ANKS1A: variants seen among roughly 807,000 people sequenced by gnomAD.
ANKS1A encodes ankyrin repeat and sterile alpha motif domain containing 1A.
Under a neutral mutation model 120.3 loss-of-function variants are expected in ANKS1A, and 55 were observed. The ratio of observed to expected loss-of-function variants is 0.46; its 90% confidence interval spans 0.37 to 0.57. ANKS1A has a LOEUF of 0.57. Ranked by LOEUF, ANKS1A falls within the 20% of genes least tolerant of loss-of-function variation. ANKS1A has a pLI of 0.00. For missense variants in ANKS1A, 1,123 were observed against 1,480.3 expected (o/e 0.76, Z 3.96); for synonymous variants, 590 against 604.7 (o/e 0.98, Z 0.36).
Position 34,906,651 on chromosome 6 carries a change from T to C in ANKS1A, c.197+17052T>C, listed in dbSNP as rs144486433. ...GAAAATCACCATTAGCATACCATAG[T>C]AATAATTGCTGCAGGCAAGATCTAC... On this transcript the variant is annotated intron_variant, in intron 1 of 23. Transcript: ENST00000360359. Among the ~76,000 whole-genome samples the C allele has an allele frequency of 1.2e-4, 18 of 152,322 alleles. 1 individual carries two copies. The East Asian group carries it at 2.9e-3, about 24-fold the overall frequency.
intron 7 of ANKS1A, 146 bp from the exon 8 acceptor site, chr6:34,984,936 G>T: frequency 4.4e-6 from 3 of 677,662 alleles, no homozygotes; most frequent in Non-Finnish European, 7.4e-6. Flanking sequence ...ACGTATTCTT[G>T]TCCATGGAAC....
chr6:34,967,901 G>A (rs1425942776), intron 2 of ANKS1A, among the ~76,000 whole-genome samples: 1 of 151,784 alleles, frequency 6.6e-6, no homozygotes, highest in Non-Finnish European at 1.5e-5. Context: ...CCTCTGGAAT[G>A]TTCCAGTGCT....
intron 1 of ANKS1A, among the ~76,000 whole-genome samples, chr6:34,927,583 C>T (rs892424077): frequency 9.9e-5 from 15 of 152,074 alleles, no homozygotes; most frequent in Admixed American, 2.6e-4. Context: ...AGCTGTGGCA[C>T]GGGTCGGAAA....
intron 17 of ANKS1A, among the ~76,000 whole-genome samples, chr6:35,081,537 C>G (rs926852554): frequency 1.3e-5 from 2 of 152,160 alleles, no homozygotes; most frequent in Admixed American, 6.5e-5. Context: ...CCTTCTTGGC[C>G]CCTTCCTTCT....
Position 35,014,216 on chromosome 6 carries a change from T to G in ANKS1A, c.1424-3257T>G, listed in dbSNP as rs113111595. Among the ~76,000 whole-genome samples the G allele has an allele frequency of 3.1e-3, 471 of 152,314 alleles. 1 individual carries two copies. The highest frequency in any genetic ancestry group is 0.01 in the African/African-American group (429 of 41,574). ...CTCATCTTGGCCTTGGATGTAGTTTTTAATGGGAACAAGAACACCAGCCTT... is the reference window on the plus strand; with the variant it reads ...CTCATCTTGGCCTTGGATGTAGTTTGTAATGGGAACAAGAACACCAGCCTT... On this transcript the variant is annotated intron_variant, in intron 10 of 23. Transcript: ENST00000360359.
In ANKS1A at chr6:34,991,541, T is replaced by TACACAC. The variant is rs149416311; in HGVS notation, c.1302+2259_1302+2264dup. 3.8e-3 allele frequency among the ~76,000 whole-genome samples: 525 copies of TACACAC among 138,466 alleles called. 11 individuals carry two copies. The highest frequency in any genetic ancestry group is 0.014 in the African/African-American group (482 of 35,550). 90.8% of individuals were successfully genotyped at this position (138,466 alleles called of 152,430 possible). A position where few individuals can be genotyped will look rare whatever the true frequency, so the allele number is the denominator to read the frequency against. The stretch of plus-strand genomic sequence containing the variant: ...ACATAGCCGGGAAAAAAAAAATATA[T>TACACAC]ACACACACACACACACACACACACA... On this transcript the variant is annotated intron_variant, in intron 9 of 23. Transcript: ENST00000360359.
intron 11 of ANKS1A, among the ~76,000 whole-genome samples, chr6:35,024,582 C>T (rs933687571): frequency 2.0e-5 from 3 of 152,154 alleles, no homozygotes; most frequent in Non-Finnish European, 4.4e-5. Context: ...TAATTTCTGG[C>T]ACAGGATTTT....
At chr6:35,046,395 GA>G (rs1029172259) in intron 11 of ANKS1A, among the ~76,000 whole-genome samples, 1 of 152,116 alleles carries the variant, frequency 6.6e-6, no homozygotes. Flanking sequence ...TTAGCATGTT[GA>G]ACAGAGTTCA....
In ANKS1A at chr6:35,015,635, A is replaced by T. The variant is rs541522878; in HGVS notation, c.1424-1838A>T. Among the ~76,000 whole-genome samples, 22 of 152,334 alleles carry T rather than the reference A, an allele frequency of 1.4e-4. 1 individual carries two copies. The highest frequency in any genetic ancestry group is 5.3e-4 in the African/African-American group (22 of 41,580). ...ACTTCTCTAGACTCGTGAAAAGCTG[A>T]ACAGACTGTGGAGACTGAACTGCTC... On this transcript the variant is annotated intron_variant, in intron 10 of 23. Coordinates refer to ENST00000360359, the MANE Select transcript of ANKS1A (RefSeq NM_015245.3).
intron 11 of ANKS1A, among the ~76,000 whole-genome samples, chr6:35,030,866 T>G: frequency 6.6e-6 from 1 of 152,238 alleles, no homozygotes; most frequent in African/African-American, 2.4e-5. Context: ...AGATGGCTTA[T>G]TTTCAAACTG....
chr6:35,087,668 A>G (rs1399622167), intron 23 of ANKS1A, among the ~76,000 whole-genome samples: 1 of 152,168 alleles, frequency 6.6e-6, no homozygotes, highest in African/African-American at 2.4e-5. Context: ...GGCCCTTGTG[A>G]GACCTTGAGC....
chr6:34,904,312 AT>A (rs1361364567), intron 1 of ANKS1A, among the ~76,000 whole-genome samples: 4 of 151,704 alleles, frequency 2.6e-5, no homozygotes, highest in East Asian at 3.9e-4. Context: ...GCAGCCATCC[AT>A]TTTTTTTCTG....
chr6:34,960,768 G>A (rs1289768642), intron 1 of ANKS1A, among the ~76,000 whole-genome samples: 2 of 152,048 alleles, frequency 1.3e-5, no homozygotes, highest in South Asian at 2.1e-4. Context: ...TAGCTTTTTT[G>A]ACATGCTAGG....
At chr6:34,991,960 C>CTT (rs959425188) in intron 9 of ANKS1A, among the ~76,000 whole-genome samples, 1 of 151,456 alleles carries the variant, frequency 6.6e-6, no homozygotes, top group African/African-American at 2.4e-5. Flanking sequence ...GGAGTGGGAG[C>CTT]TAGGAAGGCT....
In ANKS1A at chr6:34,985,128, A is replaced by T. The variant is rs150567536; in HGVS notation, c.1059A>T (p.Ala353=). 121 of 1,614,160 alleles carry T rather than the reference A, an allele frequency of 7.5e-5. 1 individual carries two copies. The African/African-American group carries it at 1.4e-3, about 19-fold the overall frequency. ...AVTELIIDFD[A]NAEEEGPYEA... ...CTGAACTGATTATAGATTTTGATGC[A>T]AATGCTGAAGAAGAGGGTCCCTACG... Residue 353 remains alanine, a synonymous_variant, in exon 8 of 24, where the codon GCA becomes GCT. Coordinates refer to ENST00000360359, the MANE Select transcript of ANKS1A (RefSeq NM_015245.3).
chr6:34,902,846 C>T (rs1177227318), intron 1 of ANKS1A, among the ~76,000 whole-genome samples: 1 of 149,298 alleles, frequency 6.7e-6, no homozygotes, highest in African/African-American at 2.4e-5. Flanking sequence ...CCATTATGAT[C>T]TGTTAGACTT....
intron 1 of ANKS1A, among the ~76,000 whole-genome samples, chr6:34,966,218 A>G (rs948236164): frequency 2.6e-5 from 4 of 152,232 alleles, no homozygotes; most frequent in African/African-American, 4.8e-5. Flanking sequence ...GCTCTCAAGT[A>G]GAATTTACCA....
chr6:34,992,903 G>A (rs1328526426), intron 9 of ANKS1A, among the ~76,000 whole-genome samples: 1 of 152,192 alleles, frequency 6.6e-6, no homozygotes, highest in Non-Finnish European at 1.5e-5. Context: ...ACATAACACA[G>A]TGAGCTATGC....
At chr6:34,890,824 T>G (rs918691506) in intron 1 of ANKS1A, among the ~76,000 whole-genome samples, 5 of 152,228 alleles carry the variant, frequency 3.3e-5, no homozygotes, top group Admixed American at 6.5e-5. Flanking sequence ...TTCGTTAGCT[T>G]TTGTTCCCCA....
Sources: gnomAD v4.1 joint callset for allele counts (sites outside exome capture counted in the v4.1 genomes callset) on GRCh38, gnomAD v4.1.1 for gene constraint, MANE v1.5 for transcripts, NCBI Gene and HGNC (gene_info 2026-07-23, HGNC 2026-07-21) for gene names.